The following PGAM5 variants were observed in gnomAD, a reference collection of about 807,000 sequenced individuals.
PGAM5 encodes serine/threonine-protein phosphatase PGAM5, mitochondrial.
Under a neutral mutation model 30.6 loss-of-function variants are expected in PGAM5, and 25 were observed. The observed-to-expected ratio is 0.82, with a 90% CI of 0.60 to 1.14. The LOEUF is 1.14. PGAM5 is among the 50% of genes most tolerant of loss of function. The pLI, the probability that PGAM5 is intolerant of heterozygous loss-of-function variation, is 0.00. For missense variants in PGAM5, 384 were observed against 408.5 expected, an observed-to-expected ratio of 0.94 and a Z score of 0.52; for synonymous variants, 201 against 179.1, an observed-to-expected ratio of 1.12 and a Z score of -0.98.
chr12:132,720,823 TC>T lies in PGAM5; in HGVS notation c.867del (p.Ter290GlufsTer63). The T allele has an allele frequency of 6.5e-7, 1 of 1,536,094 alleles. No individual in the cohort carries two copies. Among genetic ancestry groups the T allele is most frequent in the Admixed American group, 2.0e-5 (1 of 50,962 alleles). The stretch of plus-strand genomic sequence containing the variant: ...CATGCCTCCCGACAAGATCACTCGA[TC>T]CTGAGGGCTCCGGCCTCTCCTTCCC... ...GFMPPDKITR[S>X] On this transcript the variant is annotated frameshift_variant, in exon 6 of 6. Coordinates refer to ENST00000498926, the MANE Select transcript of PGAM5 (RefSeq NM_001170543.2). LOFTEE classifies it high-confidence loss of function.
At chr12:132,717,956 C>A (rs1187916407) in intron 4 of PGAM5, 31 bp from the exon 5 acceptor site, 1 of 1,612,134 alleles carries the variant, frequency 6.2e-7, no homozygotes, top group Non-Finnish European at 8.5e-7. Context: ...CCGAGCACTT[C>A]CGCACTGACG....
rs1287601022 is a variant in PGAM5, at chr12:132,717,480, T to C, written c.412T>C (p.Leu138=). Residue 138 remains leucine, a synonymous_variant, in exon 3 of 6, where the codon TTG becomes CTG. Transcript: ENST00000498926. ...ACTCACTGGGCTCCGCCTGGCAAGCTTGGGGTTGAAGTTTAATAAAATCGT... is the reference window on the plus strand; with the variant it reads ...ACTCACTGGGCTCCGCCTGGCAAGCCTGGGGTTGAAGTTTAATAAAATCGT... ...AELTGLRLAS[L]GLKFNKIVHS... 1 of 1,610,172 alleles carries C rather than the reference T, an allele frequency of 6.2e-7. No individual in the cohort carries two copies. The highest frequency in any genetic ancestry group is 1.1e-5 in the South Asian group (1 of 91,070).
rs766180108 is a variant in PGAM5, at chr12:132,714,897, C to T, written c.231C>T (p.Asn77=). The T allele has an allele frequency of 1.9e-5, 30 of 1,613,616 alleles. 1 individual carries two copies. The highest frequency in any genetic ancestry group is 2.2e-5 in the East Asian group (1 of 44,902). Residue 77 remains asparagine, a synonymous_variant, in exon 2 of 6, where the codon AAC becomes AAT. Coordinates refer to ENST00000498926, the MANE Select transcript of PGAM5 (RefSeq NM_001170543.2). ...CTCTGATCAACGTGCGGAAGAGGAACGTGGAATCTGGGGAAGAAGAGCTGG... is the reference window on the plus strand; with the variant it reads ...CTCTGATCAACGTGCGGAAGAGGAATGTGGAATCTGGGGAAGAAGAGCTGG... ...PLSLINVRKR[N]VESGEEELAS...
Position 132,720,968 on chromosome 12 carries a change from A to C in PGAM5, c.*140A>C, listed in dbSNP as rs934831165. ...GACTTGTGACCAGGCTGAGAAGGGG[A>C]GAGTTGGGATCAGACAGCCTGACTT... On this transcript the variant is annotated 3_prime_UTR_variant, in exon 6 of 6. Transcript: ENST00000498926. 1.8e-6 allele frequency: 2 copies of C among 1,098,008 alleles called. No homozygotes were observed. Among genetic ancestry groups the C allele is most frequent in the African/African-American group, 3.2e-5 (2 of 63,020 alleles). 68.0% of individuals were successfully genotyped at this position (1,098,008 alleles called of 1,614,324 possible). A position where few individuals can be genotyped will look rare whatever the true frequency, so the allele number is the denominator to read the frequency against.
At chr12:132,719,132 T>C (rs1028692785) in intron 5 of PGAM5, 1 of 1,329,664 alleles carries the variant, frequency 7.5e-7, no homozygotes, top group African/African-American at 1.5e-5. Context: ...GTCAGAAGGG[T>C]TGGCCAAATC....
At chr12:132,718,272 T>G in intron 5 of PGAM5, 152 bp downstream of exon 5, 3 of 1,007,316 alleles carry the variant, frequency 3.0e-6, no homozygotes, top group Non-Finnish European at 4.3e-6. Flanking sequence ...CGAGTCCTAG[T>G]CAGTTACGCG....
chr12:132,715,526 G>A (rs544949504), intron 2 of PGAM5, among the ~76,000 whole-genome samples: 18 of 142,200 alleles, frequency 1.3e-4, no homozygotes, highest in South Asian at 4.4e-4. Flanking sequence ...AGCTGAGATC[G>A]CACCACTGCA....
chr12:132,718,208 A>C, intron 5 of PGAM5, 88 bp downstream of exon 5: 1 of 1,534,638 alleles, frequency 6.5e-7, no homozygotes. Context: ...ACCCTCCTCC[A>C]CTGCCGATGC....
Position 132,717,695 on chromosome 12 carries a change from T to G in PGAM5, c.497-15T>G. ...GGGGCCGCCTCACCCAGCGCTTCGCTGTGCTTCTCTGCAGGCGTCTGCAAA... is the reference window on the plus strand; with the variant it reads ...GGGGCCGCCTCACCCAGCGCTTCGCGGTGCTTCTCTGCAGGCGTCTGCAAA... On this transcript the variant is annotated splice_polypyrimidine_tract_variant and intron_variant, in intron 3 of 5. Coordinates refer to ENST00000498926, the MANE Select transcript of PGAM5 (RefSeq NM_001170543.2). The G allele has an allele frequency of 1.1e-5, 17 of 1,566,918 alleles. No homozygotes were observed. Among genetic ancestry groups the G allele is most frequent in the Non-Finnish European group, 1.5e-5 (17 of 1,155,440 alleles).
rs748242643 is a variant in PGAM5, at chr12:132,715,071, G to A, written c.370+35G>A. The A allele has an allele frequency of 1.4e-5, 22 of 1,537,450 alleles. No homozygotes were observed. In the East Asian group the frequency reaches 3.2e-4, roughly 22 times the overall value. On this transcript the variant is annotated intron_variant, in intron 2 of 5. Coordinates refer to ENST00000498926, the MANE Select transcript of PGAM5 (RefSeq NM_001170543.2). ...GGGTTCAGATCCTCTGTGGACCCTC[G>A]TGGTTATGTGGCCAGGTGCATATCT...
chr12:132,717,896 C>T lies in PGAM5; in HGVS notation c.586-91C>T, dbSNP rs963542289. 101 of 1,597,558 alleles carry T rather than the reference C, an allele frequency of 6.3e-5. No homozygotes were observed. In the African/African-American group the frequency reaches 1.1e-3, roughly 17 times the overall value. ...ATCCACCACGTGCCCGGCCGTCCCACGGGCTTCCCCGGGCGGCGATGGGGT... is the reference window on the plus strand; with the variant it reads ...ATCCACCACGTGCCCGGCCGTCCCATGGGCTTCCCCGGGCGGCGATGGGGT... On this transcript the variant is annotated intron_variant, in intron 4 of 5. Coordinates refer to ENST00000498926, the MANE Select transcript of PGAM5 (RefSeq NM_001170543.2).
Position 132,717,335 on chromosome 12 carries a change from GGTGTTTGAGGGTGGAGGAGGGC to G in PGAM5, c.371-96_371-75del, listed in dbSNP as rs1393140563. The G allele has an allele frequency of 4.5e-4, 554 of 1,231,972 alleles. 1 individual carries two copies. Among genetic ancestry groups the G allele is most frequent in the Non-Finnish European group, 4.7e-4 (433 of 912,486 alleles). 76.3% of individuals were successfully genotyped at this position (1,231,972 alleles called of 1,614,324 possible). ...GGGGGTGTTTGCGGGCGGAGGAGGG[GGTGTTTGAGGGTGGAGGAGGGC>G]GTGTTTGCGGGCGGAGGAGGGGGTG... On this transcript the variant is annotated intron_variant, in intron 2 of 5. Transcript: ENST00000498926.
chr12:132,720,793 G>A lies in PGAM5; in HGVS notation c.835G>A (p.Gly279Arg). 6.5e-7 allele frequency: 1 copy of A among 1,536,476 alleles called. No individual in the cohort carries two copies. ...RVALRTLGDT[G>R]FMPPDKITRS ...TGCGCTCAGGACCCTCGGGGACACG[G>A]GGTTCATGCCTCCCGACAAGATCAC... Residue 279 changes from glycine (G) to arginine (R), a missense_variant, in exon 6 of 6, where the codon GGG becomes AGG. Physicochemically the swap from Gly to Arg is moderately radical, Grantham distance 125. Transcript: ENST00000498926.
intron 5 of PGAM5, among the ~76,000 whole-genome samples, chr12:132,719,600 C>A (rs759263851): frequency 1.6e-4 from 24 of 152,208 alleles, no homozygotes; most frequent in Non-Finnish European, 8.8e-5. Flanking sequence ...CACAGTCACC[C>A]CGAGGTGACA....
At position 132,720,666 on chromosome 12, in the gene PGAM5, C is replaced by T. The variant is rs751697987; in HGVS notation, c.720-12C>T. 3 of 1,534,190 alleles carry T rather than the reference C, an allele frequency of 2.0e-6. No individual in the cohort carries two copies. The highest frequency in any genetic ancestry group is 2.6e-6 in the Non-Finnish European group (3 of 1,145,524). On this transcript the variant is annotated splice_polypyrimidine_tract_variant and intron_variant, in intron 5 of 5. Coordinates refer to ENST00000498926, the MANE Select transcript of PGAM5 (RefSeq NM_001170543.2). ...TCTAACGTGCTCTTTCTCTCTCTCT[C>T]TCTCTCCCCAGAGCACTGCAGTTTC...
At chr12:132,720,532 C>T in intron 5 of PGAM5, 146 bp from the exon 6 acceptor site, 1 of 747,332 alleles carries the variant, frequency 1.3e-6, no homozygotes, top group Non-Finnish European at 2.1e-6. Flanking sequence ...TGGTCTCGAT[C>T]TCCTGACCTT....
At chr12:132,714,150 T>G (rs940521938) in intron 1 of PGAM5, among the ~76,000 whole-genome samples, 1 of 152,144 alleles carries the variant, frequency 6.6e-6, no homozygotes, top group African/African-American at 2.4e-5. Flanking sequence ...CCCAAGTAGC[T>G]GGGATCACAG....
At position 132,714,909 on chromosome 12, in the gene PGAM5, G is replaced by A. The variant is rs573946487; in HGVS notation, c.243G>A (p.Gly81=). 6.2e-7 allele frequency: 1 copy of A among 1,613,748 alleles called. No homozygotes were observed. The highest frequency in any genetic ancestry group is 1.3e-5 in the African/African-American group (1 of 75,056). Reference sequence around the variant, plus strand: ...TGCGGAAGAGGAACGTGGAATCTGGGGAAGAAGAGCTGGCGTCCAAGCTGG... The same window carrying A: ...TGCGGAAGAGGAACGTGGAATCTGGAGAAGAAGAGCTGGCGTCCAAGCTGG... ...INVRKRNVES[G]EEELASKLDH... is the part of the protein sequence containing the mutation. The change falls in exon 2 of 6, where the codon GGG becomes GGA. Residue 81 remains glycine (G), a synonymous_variant. Transcript: ENST00000498926.
Position 132,714,898 on chromosome 12 carries a change from G to A in PGAM5, c.232G>A (p.Val78Met), listed in dbSNP as rs774830624. ...LSLINVRKRN[V>M]ESGEEELASK... ...TCTGATCAACGTGCGGAAGAGGAAC[G>A]TGGAATCTGGGGAAGAAGAGCTGGC... The change falls in exon 2 of 6, where the codon GTG (valine) becomes ATG (methionine). Residue 78 changes from valine (V) to methionine (M), a missense_variant. By Grantham distance (21) the Val-to-Met change is conservative. Transcript: ENST00000498926. 26 of 1,613,644 alleles carry A rather than the reference G, an allele frequency of 1.6e-5. No individual in the cohort carries two copies. The highest frequency in any genetic ancestry group is 1.6e-4 in the Middle Eastern group (1 of 6,082).
Sources: gnomAD v4.1 joint callset for allele counts (sites outside exome capture counted in the v4.1 genomes callset) on GRCh38, gnomAD v4.1.1 for gene constraint, MANE v1.5 for transcripts, NCBI Gene and HGNC (gene_info 2026-07-23, HGNC 2026-07-21) for gene names.